KIF13B: variants seen among roughly 807,000 people sequenced by gnomAD.
The protein encoded by KIF13B is kinesin family member 13B, also known as kinesin-like protein KIF13B.
In KIF13B, 127 loss-of-function variants were observed where a neutral mutation model predicts 222.0. The observed-to-expected ratio is 0.57, with a 90% confidence interval of 0.50 to 0.66. The LOEUF is 0.66. KIF13B is among the 30% of genes least tolerant of loss of function. KIF13B has a pLI of 0.00. For synonymous variants in KIF13B, 976 were observed against 919.0 expected, an observed-to-expected ratio of 1.06 and a Z score of -1.12; for missense variants, 2,173 against 2,379.0, an observed-to-expected ratio of 0.91 and a Z score of 1.80.
rs572854365 is a variant in KIF13B at position 29,165,792 on chromosome 8, T to C, written c.1159-20A>G. 1.3e-5 allele frequency: 20 copies of C among 1,538,010 alleles called. No homozygotes were observed. The highest frequency in any genetic ancestry group is 1.7e-5 in the Non-Finnish European group (19 of 1,111,492). On this transcript the variant is annotated intron_variant, in intron 11 of 39. Transcript: ENST00000524189. The stretch of plus-strand genomic sequence containing the variant: ...CATTGCCTACAAGCAAAATGTTTAC[T>C]TCATGAAATGTCTAGAAGATGCCCT...
intron 2 of KIF13B, among the ~76,000 whole-genome samples, chr8:29,197,293 C>T (rs913304046): frequency 1.4e-5 from 2 of 142,106 alleles, no homozygotes; most frequent in Admixed American, 1.4e-4. Context: ...GCCGAGATCC[C>T]GCCACTGCAC....
In KIF13B at chr8:29,070,671, C is replaced by G; in HGVS notation, c.5314G>C (p.Gly1772Arg). Residue 1772 changes from glycine (G) to arginine (R), a missense_variant, in exon 40 of 40, where the codon GGC becomes CGC. Gly to Arg is a moderately radical substitution (Grantham distance 125, BLOSUM62 -2). Coordinates refer to ENST00000524189, the MANE Select transcript of KIF13B (RefSeq NM_015254.4). This position sits in a 1 kb window ranked among gnomAD's most constrained non-coding sequence, Gnocchi z 4.1. The part of the protein sequence containing the change: ...VRPSRVRRAT[G>R]PVRRRSTGLR... ...CCTGTGCTGCGCCGCCGCACAGGGC[C>G]CGTGGCCCTGCGGACCCGGCTGGGC... 1 of 1,562,210 alleles carries G rather than the reference C, an allele frequency of 6.4e-7. No individual in the cohort carries two copies. The highest frequency in any genetic ancestry group is 8.7e-7 in the Non-Finnish European group (1 of 1,153,584).
chr8:29,255,567 CT>C (rs1014819579), intron 1 of KIF13B, among the ~76,000 whole-genome samples: 143 of 150,090 alleles, frequency 9.5e-4, no homozygotes, highest in Middle Eastern at 3.4e-3. Context: ...CTCCCCAAAA[CT>C]TTTTTTTTTA....
chr8:29,146,019 C>A, intron 18 of KIF13B: 1 of 439,938 alleles, frequency 2.3e-6, no homozygotes, highest in South Asian at 3.4e-5. Flanking sequence ...GAACACCTAA[C>A]TTGTGGAGAA....
intron 13 of KIF13B, 75 bp downstream of exon 13, chr8:29,160,658 C>G: frequency 7.2e-7 from 1 of 1,380,378 alleles, no homozygotes. Flanking sequence ...GCATGGTTCC[C>G]CAAGTTTACT....
rs1471770873 is a variant in KIF13B, at chr8:29,177,589, A to G, written c.721-11T>C. On this transcript the variant is annotated splice_polypyrimidine_tract_variant and intron_variant, in intron 8 of 39. Coordinates refer to ENST00000524189, the MANE Select transcript of KIF13B (RefSeq NM_015254.4). ...TTTCTCTCCAGATGTCTACAAAGGA[A>G]ATCAATCAATACTAATCAACAGGAA... is the stretch of plus-strand genomic sequence containing the variant. 6.4e-7 allele frequency: 1 copy of G among 1,553,640 alleles called. No individual in the cohort carries two copies. Among genetic ancestry groups the G allele is most frequent in the South Asian group, 1.1e-5 (1 of 89,924 alleles).
Position 29,109,981 on chromosome 8 carries a change from A to G in KIF13B, c.4020T>C (p.Ile1340=). The change falls in exon 33 of 40, where the codon ATT becomes ATC. Residue 1340 remains isoleucine, a synonymous_variant. Transcript: ENST00000524189. The part of the protein sequence containing the change: ...NPASADSEAY[I]EKYLRSVLAV... ...CCAGCACGCTCCTGAGGTACTTTTC[A>G]ATATAAGCCTCCGAGTCAGCAGAAG... 1.9e-6 allele frequency: 3 copies of G among 1,612,416 alleles called. No individual in the cohort carries two copies. The highest frequency in any genetic ancestry group is 2.5e-6 in the Non-Finnish European group (3 of 1,179,302).
At chr8:29,072,406 G>T in intron 38 of KIF13B, 90 bp from the exon 39 acceptor site, 1 of 857,710 alleles carries the variant, frequency 1.2e-6, no homozygotes. Context: ...AGAGCATGAG[G>T]CCAGGGGCAG....
intron 15 of KIF13B, among the ~76,000 whole-genome samples, chr8:29,149,662 C>G (rs1468282554): frequency 6.6e-6 from 1 of 152,180 alleles, no homozygotes; most frequent in Non-Finnish European, 1.5e-5. Context: ...GCTAGTGCAG[C>G]TATGGTTCTC....
intron 29 of KIF13B, among the ~76,000 whole-genome samples, chr8:29,121,050 G>GT (rs1487535161): frequency 1.0e-4 from 15 of 148,350 alleles, no homozygotes; most frequent in Non-Finnish European, 1.9e-4. Flanking sequence ...TTGTAAATTT[G>GT]TTTGAGTTCA....
chr8:29,123,470 G>T lies in KIF13B; in HGVS notation c.3375C>A (p.Asp1125Glu), dbSNP rs1401204056. Residue 1125 changes from aspartate (D) to glutamate (E), a missense_variant, in exon 28 of 40, where the codon GAC (aspartate) becomes GAA (glutamate). Transcript: ENST00000524189. ...GCATCTCCAGAAGCTGCGCTTCACGGTCAGCATCATCCTCTGTTTTATCTA... is the reference window on the plus strand; with the variant it reads ...GCATCTCCAGAAGCTGCGCTTCACGTTCAGCATCATCCTCTGTTTTATCTA... Reference protein sequence around the residue: ...SKRDKTEDDADREAQLLEMRL... With the variant: ...SKRDKTEDDAEREAQLLEMRL... 3.1e-6 allele frequency: 5 copies of T among 1,613,888 alleles called. No individual in the cohort carries two copies. In the South Asian group the frequency reaches 5.5e-5, roughly 18 times the overall value.
intron 24 of KIF13B, 117 bp downstream of exon 24, chr8:29,130,416 A>G: frequency 9.1e-7 from 1 of 1,094,820 alleles, no homozygotes; most frequent in Non-Finnish European, 1.3e-6. Flanking sequence ...ATTTTAATGT[A>G]AGAAATGGAC....
intron 1 of KIF13B, among the ~76,000 whole-genome samples, chr8:29,258,140 C>T (rs1816555186): frequency 6.6e-6 from 1 of 152,138 alleles, no homozygotes; most frequent in African/African-American, 2.4e-5. Flanking sequence ...CACCAATGAC[C>T]CCAGGGGTCA....
intron 2 of KIF13B, among the ~76,000 whole-genome samples, chr8:29,239,963 G>A (rs1322711995): frequency 4.0e-5 from 6 of 148,384 alleles, no homozygotes; most frequent in African/African-American, 7.5e-5. Context: ...GCGCCTGGCC[G>A]CAATACACCC....
intron 2 of KIF13B, among the ~76,000 whole-genome samples, chr8:29,224,285 G>A (rs1354869891): frequency 1.3e-5 from 2 of 152,134 alleles, no homozygotes; most frequent in Non-Finnish European, 2.9e-5. Flanking sequence ...TTACAGGCGT[G>A]AGCCACCGCG....
rs991000130 is a variant in KIF13B at position 29,262,869 on chromosome 8, C to A, written c.55+111G>T. On this transcript the variant is annotated intron_variant, in intron 1 of 39. Transcript: ENST00000524189. ...GGTCCCCGGGCCCCTCCTCGCGCCC[C>A]GCCGCTGACTATAGGGGCGGGGCCG... 11 of 830,490 alleles carry A rather than the reference C, an allele frequency of 1.3e-5. No individual in the cohort carries two copies. The African/African-American group carries it at 1.9e-4, about 14-fold the overall frequency. 51.4% of individuals were successfully genotyped at this position (830,490 alleles called of 1,614,324 possible). A position where few individuals can be genotyped will look rare whatever the true frequency, so the allele number is the denominator to read the frequency against.
intron 2 of KIF13B, among the ~76,000 whole-genome samples, chr8:29,243,977 G>T (rs1298017596): frequency 6.6e-6 from 1 of 152,174 alleles, no homozygotes; most frequent in Non-Finnish European, 1.5e-5. Flanking sequence ...ACATAATGAA[G>T]GATTCGATTT....
At position 29,101,919 on chromosome 8, in the gene KIF13B, T is replaced by C. The variant is rs1468721162; in HGVS notation, c.4216-2678A>G. Among the ~76,000 whole-genome samples, 3 of 115,642 alleles carry C rather than the reference T, an allele frequency of 2.6e-5. No individual in the cohort carries two copies. In the East Asian group the frequency reaches 6.5e-4, roughly 25 times the overall value. 75.9% of individuals were successfully genotyped at this position (115,642 alleles called of 152,430 possible). On this transcript the variant is annotated intron_variant, in intron 35 of 39. Coordinates refer to ENST00000524189, the MANE Select transcript of KIF13B (RefSeq NM_015254.4). ...TCCACTGGAATTACTCACTCGATTT[T>C]TCTCCTGCACTACAACCTCCATCCT...
chr8:29,088,220 C>T (rs200738215), intron 37 of KIF13B, among the ~76,000 whole-genome samples: 3 of 151,796 alleles, frequency 2.0e-5, no homozygotes, highest in South Asian at 4.2e-4. Context: ...GAGCTGAGAT[C>T]GCACCACTGT....
Sources: gnomAD v4.1 joint callset for allele counts (sites outside exome capture counted in the v4.1 genomes callset) on GRCh38, gnomAD v4.1.1 for gene constraint, Gnocchi (gnomAD v3.1) non-coding constraint, MANE v1.5 for transcripts, NCBI Gene and HGNC (gene_info 2026-07-23, HGNC 2026-07-21) for gene names.